Variants in IFT140 observed in about 807,000 individuals in gnomAD.
IFT140 encodes the protein intraflagellar transport protein 140 homolog.
IFT140 carries 133 observed loss-of-function variants against 164.6 expected under a neutral mutation model. The observed-to-expected ratio is 0.81, with a 90% CI of 0.70 to 0.93. The LOEUF (loss-of-function observed/expected upper bound fraction) is 0.93. Among genes scored for constraint, IFT140 ranks in the 40% least tolerant of loss-of-function variants. The pLI, the probability that IFT140 is intolerant of heterozygous loss-of-function variation, is 0.00. For missense variants in IFT140, 2,045 were observed against 1,972.3 expected, an observed-to-expected ratio of 1.04 and a Z score of -0.70; for synonymous variants, 860 against 817.3, an observed-to-expected ratio of 1.05 and a Z score of -0.89.
chr16:1,610,311 G>A (rs373680561), intron 2 of IFT140: 4 of 155,026 alleles, frequency 2.6e-5, no homozygotes. Context: ...ACCAAACATA[G>A]CATGTTTTTG....
At chr16:1,552,527 G>C (rs1413039055) in intron 19 of IFT140, among the ~76,000 whole-genome samples, 2 of 152,028 alleles carry the variant, frequency 1.3e-5, no homozygotes, top group Non-Finnish European at 2.9e-5. Flanking sequence ...CACAACACAG[G>C]CTCATTCCTT....
chr16:1,514,167 GA>G (rs2040274315), intron 30 of IFT140: 2 of 150,856 alleles, frequency 1.3e-5, no homozygotes, highest in Non-Finnish European at 2.9e-5. Context: ...AGGAGATCGA[GA>G]CCATCCTGGC....
chr16:1,611,334 G>A (rs1414117130), intron 1 of IFT140, among the ~76,000 whole-genome samples: 1 of 152,110 alleles, frequency 6.6e-6, no homozygotes. Context: ...GCGAGATCCT[G>A]TCTCTAAAAA....
chr16:1,530,807 A>G (rs1241900998), intron 19 of IFT140: 1 of 150,888 alleles, frequency 6.6e-6, no homozygotes, highest in Non-Finnish European at 1.5e-5. Context: ...CCCAGCCAGC[A>G]CACCGTCAGA....
intron 15 of IFT140, 132 bp downstream of exon 15, chr16:1,568,085 G>T (rs1207930519): frequency 6.0e-6 from 4 of 664,204 alleles, no homozygotes; most frequent in African/African-American, 3.6e-5. Flanking sequence ...AGGGGAAGGA[G>T]AGTGGGGCTG....
intron 19 of IFT140, among the ~76,000 whole-genome samples, chr16:1,540,269 A>G (rs1211831343): frequency 2.6e-5 from 4 of 152,220 alleles, no homozygotes; most frequent in African/African-American, 9.6e-5. Flanking sequence ...TCCAGATTGC[A>G]TTTCAATAAA....
At chr16:1,588,101 C>G in intron 7 of IFT140, 77 bp from the exon 8 acceptor site, 1 of 1,220,008 alleles carries the variant, frequency 8.2e-7, no homozygotes, top group East Asian at 2.4e-5. Context: ...CCTGGAGTCT[C>G]TGGTCCTCAG....
At chr16:1,587,006 C>A (rs1279233745) in intron 9 of IFT140, among the ~76,000 whole-genome samples, 192 bp downstream of exon 9, 4 of 152,234 alleles carry the variant, frequency 2.6e-5, no homozygotes, top group Non-Finnish European at 5.9e-5. Flanking sequence ...CTAACCAAAC[C>A]CCCTGGCCTT....
intron 4 of IFT140, among the ~76,000 whole-genome samples, chr16:1,598,585 G>C (rs576636479): frequency 3.3e-5 from 5 of 152,362 alleles, no homozygotes; most frequent in Admixed American, 3.3e-4. Flanking sequence ...AAAACACTCT[G>C]AGATACTACT....
rs2040610305 is a variant in IFT140 at position 1,524,375 on chromosome 16, A to G, written c.3141+177T>C. Reference sequence around the variant, plus strand: ...GTGCTTTGCAAACAATGTCAGATGGAAGCGGCCAGGGGTGGGCAGAGGGGT... The same window carrying G: ...GTGCTTTGCAAACAATGTCAGATGGGAGCGGCCAGGGGTGGGCAGAGGGGT... On this transcript the variant is annotated intron_variant, in intron 24 of 30. Transcript: ENST00000426508. The G allele has an allele frequency of 6.5e-6, 5 of 767,960 alleles. No homozygotes were observed. The Admixed American group carries it at 1.5e-4, about 23-fold the overall frequency. 47.6% of individuals were successfully genotyped at this position (767,960 alleles called of 1,614,324 possible).
rs2040117299 is a variant in IFT140 at position 1,510,879 on chromosome 16, G to A, written c.*65C>T. ...CAGCAAAAATGCTGGCTTTGCCACA[G>A]CTGACAAAAAAATTCCAGAAGATGC... On this transcript the variant is annotated 3_prime_UTR_variant, in exon 31 of 31. Coordinates refer to ENST00000426508, the MANE Select transcript of IFT140 (RefSeq NM_014714.4). 8 of 1,456,290 alleles carry A rather than the reference G, an allele frequency of 5.5e-6. No individual in the cohort carries two copies. The highest frequency in any genetic ancestry group is 1.2e-5 in the South Asian group (1 of 83,518). 90.2% of individuals were successfully genotyped at this position (1,456,290 alleles called of 1,614,324 possible).
At chr16:1,581,468 T>TG (rs2034552675) in intron 12 of IFT140, among the ~76,000 whole-genome samples, 2 of 151,256 alleles carry the variant, frequency 1.3e-5, no homozygotes, top group South Asian at 2.1e-4. Context: ...GGTGTTGTGG[T>TG]GCATGCCTGT....
intron 15 of IFT140, among the ~76,000 whole-genome samples, chr16:1,567,391 G>A (rs1195773721): frequency 6.6e-6 from 1 of 151,726 alleles, no homozygotes; most frequent in Non-Finnish European, 1.5e-5. Context: ...TGCCAATGCC[G>A]GCCTCTGCCC....
At chr16:1,530,780 C>T (rs1381082541) in intron 19 of IFT140, 2 of 150,562 alleles carry the variant, frequency 1.3e-5, no homozygotes, top group Admixed American at 6.6e-5. Flanking sequence ...TTCCTGGGGC[C>T]CATGTGTGAC....
At chr16:1,606,930 A>G (rs1596470033) in intron 3 of IFT140, among the ~76,000 whole-genome samples, 190 bp downstream of exon 3, 1 of 149,974 alleles carries the variant, frequency 6.7e-6, no homozygotes, top group African/African-American at 2.4e-5. Context: ...GTGTGCGCAC[A>G]CACACACAGA....
At position 1,584,231 on chromosome 16, in the gene IFT140, C is replaced by T. The variant is rs2034740867; in HGVS notation, c.1345G>A (p.Val449Met). 7 of 1,613,688 alleles carry T rather than the reference C, an allele frequency of 4.3e-6. No homozygotes were observed. The Middle Eastern group carries it at 5.0e-4, about 115-fold the overall frequency. The change falls in exon 11 of 31, where the codon GTG becomes ATG. Residue 449 changes from valine to methionine, a missense_variant. By Grantham distance (21) the Val-to-Met change is conservative. Transcript: ENST00000426508. ...TCGGCAGTCACCTTGGTGGCAAACACTCCACTGATGTGCATGTCGGTGCGC... is the reference window on the plus strand; with the variant it reads ...TCGGCAGTCACCTTGGTGGCAAACATTCCACTGATGTGCATGTCGGTGCGC... ...SLRTDMHISGVFATKDAVAVW... is the reference protein window; with the variant it reads ...SLRTDMHISGMFATKDAVAVW...
In IFT140 at chr16:1,586,075, T is replaced by C. The variant is rs563932792; in HGVS notation, c.1155+55A>G. Reference sequence around the variant, plus strand: ...CGTGAGCCACCGCGCCCGGCCATGGTCTCCACTTTCATGCAGCAGAAAATG... The same window carrying C: ...CGTGAGCCACCGCGCCCGGCCATGGCCTCCACTTTCATGCAGCAGAAAATG... On this transcript the variant is annotated intron_variant, in intron 10 of 30. Coordinates refer to ENST00000426508, the MANE Select transcript of IFT140 (RefSeq NM_014714.4). 14 of 1,600,452 alleles carry C rather than the reference T, an allele frequency of 8.7e-6. No individual in the cohort carries two copies. In the East Asian group the frequency reaches 3.1e-4, roughly 36 times the overall value.
rs1005761258 is a variant in IFT140 at position 1,566,104 on chromosome 16, C to T, written c.1901+57G>A. ...ACTTAGCAACAACCCGCCCAGAAGCCGAGAAGTAACTGAACATCATTTTTT... is the reference window on the plus strand; with the variant it reads ...ACTTAGCAACAACCCGCCCAGAAGCTGAGAAGTAACTGAACATCATTTTTT... On this transcript the variant is annotated intron_variant, in intron 16 of 30. Transcript: ENST00000426508. The T allele has an allele frequency of 2.3e-4, 370 of 1,581,880 alleles. 1 individual carries two copies. The highest frequency in any genetic ancestry group is 6.0e-5 in the Non-Finnish European group (70 of 1,157,948).
intron 19 of IFT140, among the ~76,000 whole-genome samples, chr16:1,545,564 AG>A (rs2032100264): frequency 2.0e-5 from 3 of 152,180 alleles, no homozygotes; most frequent in Admixed American, 2.0e-4. Context: ...GAGAGACTGA[AG>A]GGCGCCAGGA....
Sources: gnomAD v4.1 joint callset for allele counts (sites outside exome capture counted in the v4.1 genomes callset) on GRCh38, gnomAD v4.1.1 for gene constraint, MANE v1.5 for transcripts, NCBI Gene and HGNC (gene_info 2026-07-23, HGNC 2026-07-21) for gene names.